The following FOXL3 variants were observed in gnomAD, a reference collection of about 807,000 sequenced individuals.
FOXL3 encodes the protein forkhead box protein L3.
FOXL3 carries 16 observed loss-of-function variants against 10.9 expected under a neutral mutation model. That is an observed-to-expected ratio of 1.46 (90% CI 0.99 to 2.22). FOXL3 has a LOEUF of 2.22. Among genes scored for constraint, FOXL3 ranks in the 30% most tolerant of loss-of-function variants. The probability of loss-of-function intolerance (pLI) is 0.00; values close to 1 mark genes in which losing one functional copy is unlikely to be tolerated. For missense variants in FOXL3, 400 were observed against 337.9 expected, an observed-to-expected ratio of 1.18 and a Z score of -1.44; for synonymous variants, 170 against 152.0, an observed-to-expected ratio of 1.12 and a Z score of -0.87.
chr7:291,421 C>A lies in FOXL3; in HGVS notation c.635C>A (p.Pro212His). Residue 212 changes from proline (P) to histidine (H), a missense_variant, in exon 3 of 3, where the codon CCC (proline) becomes CAC (histidine). Pro to His is a moderately conservative substitution (Grantham distance 77, BLOSUM62 -2). Transcript: ENST00000506382. ...GACCCCTTCCCTGGGCTCAAGCCGCCCTGCCTCGCACAAGAGGGCAGATAC... is the reference window on the plus strand; with the variant it reads ...GACCCCTTCCCTGGGCTCAAGCCGCACTGCCTCGCACAAGAGGGCAGATAC... Reference protein sequence around the residue: ...SPDPFPGLKPPCLAQEGRYPR... With the variant: ...SPDPFPGLKPHCLAQEGRYPR... 1 of 1,261,202 alleles carries A rather than the reference C, an allele frequency of 7.9e-7. No homozygotes were observed. 78.1% of individuals were successfully genotyped at this position (1,261,202 alleles called of 1,614,324 possible). A position where few individuals can be genotyped will look rare whatever the true frequency, so the allele number is the denominator to read the frequency against.
In FOXL3 at chr7:291,099, A is replaced by G. The variant is rs971798128; in HGVS notation, c.313A>G (p.Asn105Asp). Residue 105 changes from asparagine (N) to aspartate (D), a missense_variant, in exon 3 of 3, where the codon AAC becomes GAC. Asn to Asp is a conservative substitution (Grantham distance 23, BLOSUM62 1). Transcript: ENST00000506382. ...CGAGGGCCACGAGAAGGGCAAAGGC[A>G]ACTACTGGACGTTCGCGGGCGGCTG... ...RSEGHEKGKGNYWTFAGGCES... is the reference protein window; with the variant it reads ...RSEGHEKGKGDYWTFAGGCES... 14 of 1,422,022 alleles carry G rather than the reference A, an allele frequency of 9.8e-6. No individual in the cohort carries two copies. The Admixed American group carries it at 2.9e-4, about 29-fold the overall frequency. The allele number at this position is 1,422,022 out of a possible 1,614,324, so 88.1% of individuals were successfully genotyped here. A position where few individuals can be genotyped will look rare whatever the true frequency, so the allele number is the denominator to read the frequency against.
intron 1 of FOXL3, 61 bp from the exon 2 acceptor site, chr7:290,592 G>A: frequency 1.4e-6 from 2 of 1,391,502 alleles, no homozygotes; most frequent in Non-Finnish European, 9.4e-7. Context: ...CGTCCTGCGG[G>A]ATGGGGGGAA....
chr7:290,972 C>G (rs1265602032), intron 2 of FOXL3, 91 bp from the exon 3 acceptor site: 3 of 1,280,872 alleles, frequency 2.3e-6, no homozygotes, highest in Non-Finnish European at 3.0e-6. Context: ...GTGCGCCACC[C>G]TCGCCCCGGT....
In FOXL3 at chr7:290,264, G is replaced by C. The variant is rs1392389759; in HGVS notation, c.95G>C (p.Arg32Pro). The C allele has an allele frequency of 4.6e-6, 7 of 1,535,822 alleles. No homozygotes were observed. Among genetic ancestry groups the C allele is most frequent in the Non-Finnish European group, 6.1e-6 (7 of 1,146,714 alleles). Residue 32 changes from arginine to proline, a missense_variant, in exon 1 of 3, where the codon CGG becomes CCG. Transcript: ENST00000506382. ...GSSDEDKRLT[R>P]PAYSYIALIA... ...TCCGACGAAGACAAGAGGCTCACGC[G>C]GCCCGCGTACAGGTGACTGCGGGGG...
At chr7:290,611 G>T (rs1274633839) in intron 1 of FOXL3, 42 bp from the exon 2 acceptor site, 7 of 1,416,896 alleles carry the variant, frequency 4.9e-6, no homozygotes, top group Admixed American at 2.9e-5. Context: ...AAGGACGGGG[G>T]GCTGCCCGGT....
At chr7:290,560 C>T in intron 1 of FOXL3, 93 bp from the exon 2 acceptor site, 2 of 1,260,538 alleles carry the variant, frequency 1.6e-6, no homozygotes, top group Non-Finnish European at 2.1e-6. Context: ...CCGCCTCGCT[C>T]CTCCGCCTCT....
chr7:290,992 C>G, intron 2 of FOXL3, 71 bp from the exon 3 acceptor site: 2 of 1,311,190 alleles, frequency 1.5e-6, no homozygotes, highest in Non-Finnish European at 1.9e-6. Flanking sequence ...TCCAGGGCGC[C>G]CCGAGGGGAC....
rs1450478924 is a variant in FOXL3 at position 291,195 on chromosome 7, G to T, written c.409G>T (p.Glu137Ter). ...RRRRRRGPKR[E>*]GPRGPRAGGA... Reference sequence around the variant, plus strand: ...GCGGCGGCGGCGCGGCCCCAAGCGCGAGGGGCCGAGGGGTCCGCGCGCGGG... The same window carrying T: ...GCGGCGGCGGCGCGGCCCCAAGCGCTAGGGGCCGAGGGGTCCGCGCGCGGG... The change falls in exon 3 of 3, where the codon GAG becomes TAG. Residue 137 changes from glutamate to a stop codon, truncating the protein, a stop_gained. Transcript: ENST00000506382. LOFTEE classifies it low-confidence loss of function (END_TRUNC). 1 of 1,187,746 alleles carries T rather than the reference G, an allele frequency of 8.4e-7. No homozygotes were observed. Among genetic ancestry groups the T allele is most frequent in the Non-Finnish European group, 1.0e-6 (1 of 961,108 alleles). The allele number at this position is 1,187,746 out of a possible 1,614,324, so 73.6% of individuals were successfully genotyped here. A position where few individuals can be genotyped will look rare whatever the true frequency, so the allele number is the denominator to read the frequency against.
rs1055142607 is a variant in FOXL3, at chr7:291,320, C to T, written c.534C>T (p.Pro178=). Residue 178 remains proline, a synonymous_variant, in exon 3 of 3, where the codon CCC becomes CCT. Transcript: ENST00000506382. ...AGEGAPGREP[P]ASPAPPGKEH... ...AGGGCGCCCCGGGCCGTGAGCCCCC[C>T]GCCAGCCCCGCTCCCCCGGGGAAGG... The T allele has an allele frequency of 5.5e-6, 7 of 1,264,336 alleles. No individual in the cohort carries two copies. Among genetic ancestry groups the T allele is most frequent in the Admixed American group, 4.0e-5 (1 of 24,716 alleles). The allele number at this position is 1,264,336 out of a possible 1,614,324, so 78.3% of individuals were successfully genotyped here.
chr7:291,105 T>C lies in FOXL3; in HGVS notation c.319T>C (p.Trp107Arg). The change falls in exon 3 of 3, where the codon TGG (tryptophan) becomes CGG (arginine). Residue 107 changes from tryptophan (W) to arginine (R), a missense_variant. Trp to Arg is a moderately radical substitution (Grantham distance 101). Coordinates refer to ENST00000506382, the MANE Select transcript of FOXL3 (RefSeq NM_001374838.1). ...EGHEKGKGNY[W>R]TFAGGCESLL... ...CCACGAGAAGGGCAAAGGCAACTACTGGACGTTCGCGGGCGGCTGCGAGTC... is the reference window on the plus strand; with the variant it reads ...CCACGAGAAGGGCAAAGGCAACTACCGGACGTTCGCGGGCGGCTGCGAGTC... 1 of 1,417,854 alleles carries C rather than the reference T, an allele frequency of 7.1e-7. No homozygotes were observed. Among genetic ancestry groups the C allele is most frequent in the Non-Finnish European group, 9.2e-7 (1 of 1,086,900 alleles). The allele number at this position is 1,417,854 out of a possible 1,614,324, so 87.8% of individuals were successfully genotyped here.
In FOXL3 at chr7:290,269, G is replaced by A. The variant is rs1446067966; in HGVS notation, c.100G>A (p.Ala34Thr). 4.6e-6 allele frequency: 7 copies of A among 1,535,464 alleles called. No homozygotes were observed. In the Admixed American group the frequency reaches 9.8e-5, roughly 22 times the overall value. ...SDEDKRLTRP[A>T]YSYIALIAMA... ...CGAAGACAAGAGGCTCACGCGGCCC[G>A]CGTACAGGTGACTGCGGGGGCGGTG... The change falls in exon 1 of 3, where the codon GCG (alanine) becomes ACG (threonine). Residue 34 changes from alanine to threonine, a missense_variant. By Grantham distance (58) the Ala-to-Thr change is moderately conservative. Coordinates refer to ENST00000506382, the MANE Select transcript of FOXL3 (RefSeq NM_001374838.1).
At chr7:290,542 C>T in intron 1 of FOXL3, 111 bp from the exon 2 acceptor site, 1 of 1,143,888 alleles carries the variant, frequency 8.7e-7, no homozygotes, top group Non-Finnish European at 1.2e-6. Flanking sequence ...GGGACACTTT[C>T]CCCAACACCG....
In FOXL3 at chr7:291,169, G is replaced by A. The variant is rs1363060213; in HGVS notation, c.383G>A (p.Arg128Gln). 14 of 1,280,470 alleles carry A rather than the reference G, an allele frequency of 1.1e-5. No individual in the cohort carries two copies. Among genetic ancestry groups the A allele is most frequent in the Non-Finnish European group, 1.3e-5 (13 of 1,012,862 alleles). The allele number at this position is 1,280,470 out of a possible 1,614,324, so 79.3% of individuals were successfully genotyped here. ...TTCGAGAACGGCAACTACCGGCGGC[G>A]GCGGCGGCGGCGCGGCCCCAAGCGC... ...DLFENGNYRR[R>Q]RRRRGPKREG... is the part of the protein sequence containing the mutation. Residue 128 changes from arginine (R) to glutamine (Q), a missense_variant, in exon 3 of 3, where the codon CGG (arginine) becomes CAG (glutamine). Physicochemically the swap from Arg to Gln is conservative, Grantham distance 43. Coordinates refer to ENST00000506382, the MANE Select transcript of FOXL3 (RefSeq NM_001374838.1).
chr7:290,867 AC>A, intron 2 of FOXL3, 46 bp downstream of exon 2: 1 of 1,341,658 alleles, frequency 7.5e-7, no homozygotes, highest in Non-Finnish European at 9.5e-7. Flanking sequence ...GCGTGGCGAC[AC>A]CTGCGCCAGG....
Position 290,755 on chromosome 7 carries a change from C to T in FOXL3, c.210C>T (p.Arg70=), listed in dbSNP as rs750631003. The change falls in exon 2 of 3, where the codon CGC becomes CGT. Residue 70 remains arginine (R), a synonymous_variant. Coordinates refer to ENST00000506382, the MANE Select transcript of FOXL3 (RefSeq NM_001374838.1). ...TCATGCGCAAATTCCCCTATTACCGCGCCAACCAGCGCGCCTGGCAGAACT... is the reference window on the plus strand; with the variant it reads ...TCATGCGCAAATTCCCCTATTACCGTGCCAACCAGCGCGCCTGGCAGAACT... ...DFIMRKFPYY[R]ANQRAWQNSI... 6.7e-7 allele frequency: 1 copy of T among 1,490,776 alleles called. No individual in the cohort carries two copies. The highest frequency in any genetic ancestry group is 8.9e-7 in the Non-Finnish European group (1 of 1,124,546). The allele number at this position is 1,490,776 out of a possible 1,614,324, so 92.3% of individuals were successfully genotyped here.
intron 2 of FOXL3, 56 bp from the exon 3 acceptor site, chr7:291,007 C>G: frequency 1.5e-6 from 2 of 1,322,940 alleles, no homozygotes; most frequent in Non-Finnish European, 1.9e-6. Flanking sequence ...GGGGACAAGG[C>G]GGGCGGGCGC....
At chr7:290,940 C>T (rs1562415081) in intron 2 of FOXL3, 119 bp downstream of exon 2, 4 of 1,276,936 alleles carry the variant, frequency 3.1e-6, no homozygotes, top group South Asian at 2.4e-5. Flanking sequence ...CCTCAGCCCA[C>T]GGGGCCGCCT....
rs1562414930 is a variant in FOXL3, at chr7:290,687, A to AAC, written c.142_143insAC (p.Ser48AsnfsTer7). Reference sequence around the variant, plus strand: ...CTTGATCGCCATGGCCATTCAGCAGAGCCCCGCGGGGAGGGTGACCCTGTC... The same window carrying AAC: ...CTTGATCGCCATGGCCATTCAGCAGAACGCCCCGCGGGGAGGGTGACCCTGTC... On this transcript the variant is annotated frameshift_variant, in exon 2 of 3. Transcript: ENST00000506382. LOFTEE classifies it high-confidence loss of function. The AAC allele has an allele frequency of 7.0e-6, 10 of 1,434,578 alleles. No homozygotes were observed. In the African/African-American group the frequency reaches 1.5e-4, roughly 21 times the overall value. The allele number at this position is 1,434,578 out of a possible 1,614,324, so 88.9% of individuals were successfully genotyped here. A position where few individuals can be genotyped will look rare whatever the true frequency, so the allele number is the denominator to read the frequency against.
Position 290,286 on chromosome 7 carries a change from G to T in FOXL3, c.107+10G>T. On this transcript the variant is annotated intron_variant, in intron 1 of 2. Transcript: ENST00000506382. Reference sequence around the variant, plus strand: ...CGCGGCCCGCGTACAGGTGACTGCGGGGGCGGTGCTGGGGCTTTGGGGGAC... The same window carrying T: ...CGCGGCCCGCGTACAGGTGACTGCGTGGGCGGTGCTGGGGCTTTGGGGGAC... 1.3e-6 allele frequency: 2 copies of T among 1,533,248 alleles called. No homozygotes were observed. The highest frequency in any genetic ancestry group is 8.7e-7 in the Non-Finnish European group (1 of 1,144,402). The allele number at this position is 1,533,248 out of a possible 1,614,324, so 95.0% of individuals were successfully genotyped here.
Sources: gnomAD v4.1 joint callset for allele counts on GRCh38, gnomAD v4.1.1 for gene constraint, MANE v1.5 for transcripts, NCBI Gene and HGNC (gene_info 2026-07-23, HGNC 2026-07-21) for gene names.